The following UNC13C variants were observed in gnomAD, a reference collection of about 807,000 sequenced individuals.
UNC13C encodes the protein protein unc-13 homolog C.
In UNC13C, 174 loss-of-function variants were observed where a neutral mutation model predicts 245.4. The ratio of observed to expected loss-of-function variants is 0.71; its 90% confidence interval spans 0.63 to 0.80. The LOEUF is 0.80. UNC13C is among the 30% of genes least tolerant of loss of function. The pLI is 0.00. For missense variants in UNC13C, 2,829 were observed against 2,602.9 expected (o/e 1.09, Z -1.89); for synonymous variants, 992 against 895.1 (o/e 1.11, Z -1.93).
At chr15:54,392,809 A>G (rs1215565390) in intron 17 of UNC13C, among the ~76,000 whole-genome samples, 1 of 151,988 alleles carries the variant, frequency 6.6e-6, no homozygotes, top group Non-Finnish European at 1.5e-5. Context: ...GCAACAAAGC[A>G]ATGGAAGTTA....
chr15:54,016,544 A>C (rs1347505931), intron 2 of UNC13C, among the ~76,000 whole-genome samples: 2 of 152,216 alleles, frequency 1.3e-5, no homozygotes, highest in Non-Finnish European at 2.9e-5. Flanking sequence ...GATAGAGTTG[A>C]GTGGTTACCT....
rs1358592732 is a variant in UNC13C at position 54,477,713 on chromosome 15, G to A, written c.4934-16895G>A. On this transcript the variant is annotated intron_variant, in intron 19 of 32. Transcript: ENST00000260323. ...ATGTGCTACTGGATTCGCTTTGCCA[G>A]TATTTTATTGAGGATTTTTGCATCA... 2.1e-5 allele frequency among the ~76,000 whole-genome samples: 3 copies of A among 145,536 alleles called. 1 individual carries two copies. Among genetic ancestry groups the A allele is most frequent in the African/African-American group, 7.7e-5 (3 of 39,064 alleles).
At position 54,331,506 on chromosome 15, in the gene UNC13C, C is replaced by T. The variant is rs117838814; in HGVS notation, c.4426-537C>T. 4.0e-3 allele frequency among the ~76,000 whole-genome samples: 612 copies of T among 152,162 alleles called. 27 individuals carry two copies. In the East Asian group the frequency reaches 0.086, roughly 21 times the overall value. On this transcript the variant is annotated intron_variant, in intron 14 of 32. Coordinates refer to ENST00000260323, the MANE Select transcript of UNC13C (RefSeq NM_001080534.3). Reference sequence around the variant, plus strand: ...TACACAGCCTTTAAAAGCAATTGATCCTTTCAGATATGAAGTCTGCATTTG... The same window carrying T: ...TACACAGCCTTTAAAAGCAATTGATTCTTTCAGATATGAAGTCTGCATTTG...
At chr15:54,163,369 A>G (rs535610566) in intron 4 of UNC13C, among the ~76,000 whole-genome samples, 2 of 152,332 alleles carry the variant, frequency 1.3e-5, no homozygotes, top group South Asian at 4.1e-4. Context: ...AGAGACCTTA[A>G]TTATAGGATT....
the UNC13C span, among the ~76,000 whole-genome samples, chr15:53,871,703 A>G: frequency 2.0e-5 from 3 of 152,194 alleles, no homozygotes; most frequent in Non-Finnish European, 2.9e-5. Flanking sequence ...GACTTGGTTC[A>G]GGTCTGAAAT....
intron 2 of UNC13C, among the ~76,000 whole-genome samples, chr15:54,073,697 TC>T (rs1357916293): frequency 6.6e-6 from 1 of 152,024 alleles, no homozygotes; most frequent in Non-Finnish European, 1.5e-5. Flanking sequence ...CAAGTATCTG[TC>T]CACATCCTTT....
intron 2 of UNC13C, among the ~76,000 whole-genome samples, chr15:54,022,945 C>T (rs534798892): frequency 4.6e-5 from 7 of 152,042 alleles, no homozygotes; most frequent in South Asian, 2.1e-4. Context: ...TAGAACCCAA[C>T]GAATACATGT....
chr15:54,170,501 CTG>C (rs971823302), intron 4 of UNC13C, among the ~76,000 whole-genome samples: 2 of 152,122 alleles, frequency 1.3e-5, no homozygotes, highest in Admixed American at 6.6e-5. Context: ...ACGTGTGGTA[CTG>C]AGAGACTGTC....
At chr15:54,370,609 A>C (rs2039467853) in intron 17 of UNC13C, among the ~76,000 whole-genome samples, 1 of 152,148 alleles carries the variant, frequency 6.6e-6, no homozygotes, top group Admixed American at 6.5e-5. Context: ...TAGTTTTGAT[A>C]AAACATGAAT....
intron 4 of UNC13C, among the ~76,000 whole-genome samples, chr15:54,196,254 G>C (rs959369650): frequency 6.6e-6 from 1 of 151,922 alleles, no homozygotes; most frequent in African/African-American, 2.4e-5. Flanking sequence ...GAAATGCAGA[G>C]AGACAAGCAA....
intron 19 of UNC13C, among the ~76,000 whole-genome samples, chr15:54,482,108 G>A (rs934834106): frequency 3.3e-5 from 5 of 152,100 alleles, no homozygotes; most frequent in Admixed American, 6.5e-5. Flanking sequence ...TTTACCACAT[G>A]TTCCCTGGGG....
At chr15:54,167,008 A>C (rs1029205405) in intron 4 of UNC13C, among the ~76,000 whole-genome samples, 2 of 152,220 alleles carry the variant, frequency 1.3e-5, no homozygotes, top group African/African-American at 2.4e-5. Context: ...AATATAAAGA[A>C]CTTGAATATT....
At chr15:54,218,030 G>T (rs769916352) in intron 4 of UNC13C, among the ~76,000 whole-genome samples, 10 of 151,970 alleles carry the variant, frequency 6.6e-5, no homozygotes, top group Non-Finnish European at 1.0e-4. Flanking sequence ...GGAAAGTAGA[G>T]ATGAGTAATA....
At chr15:54,504,700 T>G (rs1894389617) in intron 22 of UNC13C, among the ~76,000 whole-genome samples, 1 of 152,208 alleles carries the variant, frequency 6.6e-6, no homozygotes, top group African/African-American at 2.4e-5. Context: ...GACAGTTTTC[T>G]TGTCTTCCTT....
downstream of UNC13C, chr15:54,628,856 T>C (rs565723012): frequency 9.9e-5 from 15 of 152,268 alleles, no homozygotes; most frequent in African/African-American, 3.4e-4. Flanking sequence ...ACTTCAATTA[T>C]TGTAGAAAGC....
the UNC13C span, among the ~76,000 whole-genome samples, chr15:53,920,052 G>A: frequency 1.3e-5 from 2 of 151,486 alleles, no homozygotes; most frequent in Non-Finnish European, 2.9e-5. Context: ...GTCCTTGTTA[G>A]CCTAATTTAC....
chr15:54,452,541 G>A (rs962567632), intron 19 of UNC13C, among the ~76,000 whole-genome samples: 3 of 152,228 alleles, frequency 2.0e-5, no homozygotes, highest in African/African-American at 7.2e-5. Context: ...GGTGGATAGG[G>A]CAGGACAATC....
chr15:53,846,958 G>A, the UNC13C span, among the ~76,000 whole-genome samples: 6 of 152,210 alleles, frequency 3.9e-5, no homozygotes, highest in African/African-American at 1.4e-4. Flanking sequence ...TCACAGTGTA[G>A]GGCCCAACTG....
At chr15:54,363,639 A>G (rs1218683151) in intron 17 of UNC13C, among the ~76,000 whole-genome samples, 1 of 152,220 alleles carries the variant, frequency 6.6e-6, no homozygotes, top group African/African-American at 2.4e-5. Context: ...TGTGTTTATA[A>G]AAGTGTATCT....
Sources: allele counts gnomAD v4.1 joint callset (sites outside exome capture counted in the v4.1 genomes callset), GRCh38; gene constraint gnomAD v4.1.1; transcripts MANE v1.5; gene names NCBI Gene and HGNC (gene_info 2026-07-23, HGNC 2026-07-21).